The following SASS6 variants were observed in gnomAD, a reference collection of about 807,000 sequenced individuals.
SASS6 encodes the protein spindle assembly abnormal protein 6 homolog.
Under a neutral mutation model 94.9 loss-of-function variants are expected in SASS6, and 59 were observed. The observed-to-expected ratio is 0.62, with a 90% CI of 0.50 to 0.77. The LOEUF (loss-of-function observed/expected upper bound fraction) is 0.77. SASS6 is among the 30% of genes least tolerant of loss of function. The probability of loss-of-function intolerance (pLI) is 0.00; values close to 1 mark genes in which losing one functional copy is unlikely to be tolerated. For missense variants in SASS6, 698 were observed against 734.1 expected, an observed-to-expected ratio of 0.95 and a Z score of 0.57; for synonymous variants, 264 against 270.0, an observed-to-expected ratio of 0.98 and a Z score of 0.22.
intron 7 of SASS6, among the ~76,000 whole-genome samples, chr1:100,114,354 G>C (rs1190985924): frequency 6.6e-6 from 1 of 151,960 alleles, no homozygotes; most frequent in East Asian, 1.9e-4. Context: ...GCAGGAAAAA[G>C]ACAATCTCAG....
chr1:100,098,859 A>G (rs1363544498), intron 14 of SASS6, among the ~76,000 whole-genome samples: 3 of 152,220 alleles, frequency 2.0e-5, no homozygotes, highest in African/African-American at 7.2e-5. Context: ...TTATGTTTAT[A>G]TATAAAAACA....
At chr1:100,113,337 G>T (rs943572434) in intron 7 of SASS6, among the ~76,000 whole-genome samples, 1 of 151,994 alleles carries the variant, frequency 6.6e-6, no homozygotes, top group Non-Finnish European at 1.5e-5. Flanking sequence ...GGCCGGGCCC[G>T]GTGGCTCACG....
intron 13 of SASS6, among the ~76,000 whole-genome samples, chr1:100,103,964 G>T (rs1405955718): frequency 6.6e-6 from 1 of 152,054 alleles, no homozygotes; most frequent in Non-Finnish European, 1.5e-5. Context: ...AACAAACATG[G>T]GTATCTCCAA....
chr1:100,099,815 G>GT (rs1557882792), intron 14 of SASS6, among the ~76,000 whole-genome samples: 1 of 152,118 alleles, frequency 6.6e-6, no homozygotes, highest in Non-Finnish European at 1.5e-5. Context: ...TCCAGACTTT[G>GT]TTTTTTGGTC....
At chr1:100,131,869 T>C (rs1655062598) in intron 1 of SASS6, among the ~76,000 whole-genome samples, 1 of 152,210 alleles carries the variant, frequency 6.6e-6, no homozygotes, top group South Asian at 2.1e-4. Flanking sequence ...ACGCAAAAGA[T>C]TTCACACCTG....
chr1:100,102,994 T>C lies in SASS6; in HGVS notation c.1635A>G (p.Ile545Met), dbSNP rs769095030. Residue 545 changes from isoleucine to methionine, a missense_variant, in exon 14 of 17, where the codon ATA becomes ATG. Coordinates refer to ENST00000287482, the MANE Select transcript of SASS6 (RefSeq NM_194292.3). ...CAGGGTGGCTGGTATTTTTGGCAGA[T>C]ATCGAATGAGGGAAGGTATTCTGGA... ...FAFQNTFPHS[I>M]SAKNTSHPGS... 2 of 1,612,154 alleles carry C rather than the reference T, an allele frequency of 1.2e-6. No individual in the cohort carries two copies. Among genetic ancestry groups the C allele is most frequent in the South Asian group, 1.1e-5 (1 of 90,970 alleles).
intron 14 of SASS6, among the ~76,000 whole-genome samples, chr1:100,100,747 C>G (rs1161678331): frequency 1.3e-5 from 2 of 152,156 alleles, no homozygotes; most frequent in African/African-American, 4.8e-5. Flanking sequence ...ATAAAAGCGT[C>G]ATTTTTAAAA....
chr1:100,089,067 T>C (rs1035952294), intron 14 of SASS6, among the ~76,000 whole-genome samples: 1 of 151,772 alleles, frequency 6.6e-6, no homozygotes, highest in African/African-American at 2.4e-5. Context: ...ATGAGAAAAT[T>C]GAAGATATAA....
intron 15 of SASS6, among the ~76,000 whole-genome samples, chr1:100,087,022 C>T (rs192569597): frequency 8.7e-4 from 132 of 152,242 alleles, no homozygotes; most frequent in African/African-American, 3.1e-3. Flanking sequence ...TTGCTCTTAT[C>T]GCCCAGGCTG....
chr1:100,112,616 A>T (rs113308720), intron 7 of SASS6, among the ~76,000 whole-genome samples: 60 of 152,350 alleles, frequency 3.9e-4, no homozygotes, highest in African/African-American at 1.3e-3. Flanking sequence ...ATAAGTGACA[A>T]ATATAGATAA....
At chr1:100,108,889 A>G (rs1557887303) in intron 8 of SASS6, among the ~76,000 whole-genome samples, 7 of 152,088 alleles carry the variant, frequency 4.6e-5, no homozygotes. Flanking sequence ...GCTGGCACAC[A>G]GTAAAACTCA....
At chr1:100,105,553 A>C (rs907176408) in intron 13 of SASS6, among the ~76,000 whole-genome samples, 3 of 152,112 alleles carry the variant, frequency 2.0e-5, no homozygotes, top group Non-Finnish European at 2.9e-5. Flanking sequence ...AAAACAAAAA[A>C]AAGAAATGTG....
chr1:100,088,105 G>T, intron 15 of SASS6, 34 bp downstream of exon 15: 1 of 1,171,480 alleles, frequency 8.5e-7, no homozygotes, highest in Non-Finnish European at 1.3e-6. Flanking sequence ...CTTCAAAATT[G>T]CAAACATTAA....
At chr1:100,130,808 C>T (rs981912348) in intron 1 of SASS6, among the ~76,000 whole-genome samples, 2 of 152,040 alleles carry the variant, frequency 1.3e-5, no homozygotes, top group African/African-American at 4.8e-5. Flanking sequence ...GCTTTGCGGG[C>T]CATAAGGTCT....
At chr1:100,115,242 A>T (rs913982624) in intron 7 of SASS6, among the ~76,000 whole-genome samples, 1 of 152,160 alleles carries the variant, frequency 6.6e-6, no homozygotes, top group African/African-American at 2.4e-5. Context: ...ATTAACATAC[A>T]CTACTGATAA....
intron 7 of SASS6, among the ~76,000 whole-genome samples, chr1:100,113,580 C>A (rs1653549502): frequency 6.7e-6 from 1 of 149,142 alleles, no homozygotes; most frequent in African/African-American, 2.5e-5. Context: ...GAGATCATGC[C>A]ACTGCACTCC....
In SASS6 at chr1:100,084,849, C is replaced by T. The variant is rs1423384988; in HGVS notation, c.*479G>A. On this transcript the variant is annotated 3_prime_UTR_variant, in exon 17 of 17. Transcript: ENST00000287482. ...ATTTAGGACTTTTCCCTTTAAATGT[C>T]ATCAATAATATATCTCAAGAGGTAA... 6.6e-6 allele frequency: 1 copy of T among 152,502 alleles called. No individual in the cohort carries two copies. Among genetic ancestry groups the T allele is most frequent in the Admixed American group, 6.5e-5 (1 of 15,310 alleles). 9.4% of individuals were successfully genotyped at this position (152,502 alleles called of 1,614,324 possible). A position where few individuals can be genotyped will look rare whatever the true frequency, so the allele number is the denominator to read the frequency against.
chr1:100,128,910 AT>A (rs1321902062), intron 1 of SASS6, among the ~76,000 whole-genome samples: 1 of 152,130 alleles, frequency 6.6e-6, no homozygotes, highest in Non-Finnish European at 1.5e-5. Flanking sequence ...TAAGCCAGGT[AT>A]TGTGCCAGGT....
intron 14 of SASS6, among the ~76,000 whole-genome samples, chr1:100,091,424 CAT>C (rs1651671871): frequency 6.6e-6 from 1 of 151,828 alleles, no homozygotes; most frequent in Admixed American, 6.6e-5. Flanking sequence ...TCTGGGATCT[CAT>C]AATATTCTAA....
Sources: allele counts gnomAD v4.1 joint callset (sites outside exome capture counted in the v4.1 genomes callset), GRCh38; gene constraint gnomAD v4.1.1; transcripts MANE v1.5; gene names NCBI Gene and HGNC (gene_info 2026-07-23, HGNC 2026-07-21).